The following KCNN2 variants were observed in gnomAD, a reference collection of about 807,000 sequenced individuals.
KCNN2 encodes the protein potassium calcium-activated channel subfamily N member 2, also known as small conductance calcium-activated potassium channel protein 2.
A neutral mutation model predicts 55.5 loss-of-function variants in KCNN2; 24 were observed. The observed-to-expected ratio is 0.43, with a 90% CI of 0.31 to 0.61. The LOEUF (loss-of-function observed/expected upper bound fraction) is 0.61, where lower values mean the gene tolerates loss of function less well. KCNN2 is among the 20% of genes least tolerant of loss of function. The pLI, the probability that KCNN2 is intolerant of heterozygous loss-of-function variation, is 0.08. For synonymous variants in KCNN2, 431 were observed against 336.1 expected (o/e 1.28, Z -3.09); for missense variants, 754 against 853.6 (o/e 0.88, Z 1.45).
intron 2 of KCNN2, among the ~76,000 whole-genome samples, chr5:114,299,360 T>C (rs537114535): frequency 6.6e-6 from 1 of 152,128 alleles, no homozygotes; most frequent in Non-Finnish European, 1.5e-5. Flanking sequence ...AATTTCAGGC[T>C]CATTTCTGAA....
intron 1 of KCNN2, among the ~76,000 whole-genome samples, chr5:114,125,634 G>T (rs1183399171): frequency 2.0e-5 from 3 of 152,146 alleles, no homozygotes; most frequent in African/African-American, 7.2e-5. Context: ...GCATTAGTTT[G>T]CTAGGGCTAC....
At chr5:114,089,345 C>G (rs1019023071) in intron 1 of KCNN2, among the ~76,000 whole-genome samples, 1 of 152,036 alleles carries the variant, frequency 6.6e-6, no homozygotes. Flanking sequence ...CCGGCTTAGT[C>G]CTATTCCTAA....
chr5:114,065,465 A>C (rs1253200848), intron 1 of KCNN2, among the ~76,000 whole-genome samples: 1 of 152,182 alleles, frequency 6.6e-6, no homozygotes, highest in African/African-American at 2.4e-5. Context: ...TGTGTGCTTT[A>C]AATTTATTTA....
At chr5:114,081,512 G>A (rs916323455) in intron 1 of KCNN2, among the ~76,000 whole-genome samples, 3 of 152,222 alleles carry the variant, frequency 2.0e-5, no homozygotes, top group Non-Finnish European at 2.9e-5. Flanking sequence ...TGACAAGACT[G>A]CTGGGACAAT....
chr5:114,472,911 T>C (rs747218279), intron 4 of KCNN2, 143 bp from the exon 5 acceptor site: 37 of 491,454 alleles, frequency 7.5e-5, no homozygotes, highest in Non-Finnish European at 1.2e-4. Context: ...CATGTGTTGA[T>C]CACACATTTT....
chr5:114,320,743 ATCT>A (rs374178295), intron 2 of KCNN2, among the ~76,000 whole-genome samples: 76 of 152,240 alleles, frequency 5.0e-4, no homozygotes, highest in African/African-American at 1.7e-3. Flanking sequence ...TCCTTCATGT[ATCT>A]TCTTCTCCAT....
chr5:114,272,415 ACACACATATGTACGTACATATC>A, intron 2 of KCNN2, among the ~76,000 whole-genome samples: 1 of 16,144 alleles, frequency 6.2e-5, no homozygotes, highest in East Asian at 5.0e-3. Flanking sequence ...GTACATATCT[ACACACATATGTACGTACATATC>A]ATATACACAC....
chr5:114,127,405 A>G (rs1204678442), intron 1 of KCNN2, among the ~76,000 whole-genome samples: 3 of 152,122 alleles, frequency 2.0e-5, no homozygotes, highest in Non-Finnish European at 2.9e-5. Context: ...CAGGCTCAAC[A>G]ACACGTGGAA....
intron 3 of KCNN2, among the ~76,000 whole-genome samples, chr5:114,445,180 CA>C (rs1209539267): frequency 6.6e-6 from 1 of 152,140 alleles, no homozygotes. Flanking sequence ...CTAGGAAGGG[CA>C]GCTGGCCTTC....
intron 2 of KCNN2, among the ~76,000 whole-genome samples, chr5:114,276,825 G>T (rs996071226): frequency 6.6e-6 from 1 of 151,966 alleles, no homozygotes; most frequent in African/African-American, 2.4e-5. Context: ...GGGACATTTA[G>T]TCCATTTACA....
intron 2 of KCNN2, among the ~76,000 whole-genome samples, chr5:114,324,865 C>T (rs73779797): frequency 6.6e-6 from 1 of 152,132 alleles, no homozygotes; most frequent in East Asian, 1.9e-4. Context: ...ATGTTAATGG[C>T]TCTGCTAGTG....
intron 3 of KCNN2, among the ~76,000 whole-genome samples, chr5:114,447,917 T>C (rs1259030717): frequency 6.6e-6 from 1 of 152,188 alleles, no homozygotes; most frequent in East Asian, 1.9e-4. Flanking sequence ...AATAATGAAA[T>C]ATTGAATTGC....
At chr5:114,480,066 C>T (rs1762156634) in intron 5 of KCNN2, among the ~76,000 whole-genome samples, 1 of 151,566 alleles carries the variant, frequency 6.6e-6, no homozygotes, top group Non-Finnish European at 1.5e-5. Context: ...AAAAAAAAAT[C>T]AACAAATCCA....
At chr5:114,062,686 T>C (rs544459751) in intron 1 of KCNN2, among the ~76,000 whole-genome samples, 1 of 152,330 alleles carries the variant, frequency 6.6e-6, no homozygotes, top group African/African-American at 2.4e-5. Context: ...TTTTAATAAA[T>C]ATCTTTGTTT....
At chr5:114,113,478 T>C (rs1384998062) in intron 1 of KCNN2, among the ~76,000 whole-genome samples, 1 of 152,040 alleles carries the variant, frequency 6.6e-6, no homozygotes, top group Non-Finnish European at 1.5e-5. Flanking sequence ...GCTGGGGCCC[T>C]GTAAAATAGA....
At chr5:114,079,808 CAGT>C (rs1750764789) in intron 1 of KCNN2, among the ~76,000 whole-genome samples, 1 of 149,532 alleles carries the variant, frequency 6.7e-6, no homozygotes, top group African/African-American at 2.5e-5. Context: ...AATCAATAAA[CAGT>C]AGATACTTAA....
At chr5:114,190,218 C>A (rs1753423099) in intron 1 of KCNN2, among the ~76,000 whole-genome samples, 1 of 152,004 alleles carries the variant, frequency 6.6e-6, no homozygotes, top group Admixed American at 6.6e-5. Flanking sequence ...TACCTTGTTA[C>A]CCAGCCATTC....
At chr5:114,101,328 T>C (rs1391831420) in intron 1 of KCNN2, among the ~76,000 whole-genome samples, 1 of 151,882 alleles carries the variant, frequency 6.6e-6, no homozygotes, top group Non-Finnish European at 1.5e-5. Flanking sequence ...CAGGATTATA[T>C]TGGTCCTGGT....
chr5:114,071,437 GGTC>G, intron 1 of KCNN2, among the ~76,000 whole-genome samples: 1 of 152,278 alleles, frequency 6.6e-6, no homozygotes, highest in South Asian at 2.1e-4. Context: ...AAAAAACTTA[GGTC>G]ACATGCTTGT....
Sources: allele counts gnomAD v4.1 joint callset (sites outside exome capture counted in the v4.1 genomes callset), GRCh38; gene constraint gnomAD v4.1.1; transcripts MANE v1.5; gene names NCBI Gene and HGNC (gene_info 2026-07-23, HGNC 2026-07-21).